TTC12: variants seen among roughly 807,000 people sequenced by gnomAD.
TTC12 encodes tetratricopeptide repeat domain 12, also known as tetratricopeptide repeat protein 12.
TTC12 carries 70 observed loss-of-function variants against 90.1 expected under a neutral mutation model. That is an observed-to-expected ratio of 0.78 (90% CI 0.64 to 0.95). TTC12 has a LOEUF of 0.95. Among genes scored for constraint, TTC12 ranks in the 40% least tolerant of loss-of-function variants. The probability of loss-of-function intolerance (pLI) is 0.00; values close to 1 mark genes in which losing one functional copy is unlikely to be tolerated. For missense variants in TTC12, 819 were observed against 846.1 expected, an observed-to-expected ratio of 0.97 and a Z score of 0.40; for synonymous variants, 296 against 311.5, an observed-to-expected ratio of 0.95 and a Z score of 0.53.
chr11:113,331,050 CAG>C (rs1172218538), intron 7 of TTC12, among the ~76,000 whole-genome samples: 3 of 152,136 alleles, frequency 2.0e-5, no homozygotes, highest in Non-Finnish European at 4.4e-5. Context: ...GCAAAGGAAA[CAG>C]AGATGAATGA....
intron 16 of TTC12, among the ~76,000 whole-genome samples, chr11:113,355,562 A>C (rs1949588047): frequency 1.3e-5 from 2 of 151,970 alleles, no homozygotes; most frequent in Admixed American, 1.3e-4. Context: ...TTAACATGAG[A>C]TATTTCTAAC....
At chr11:113,316,828 T>C (rs944123492) in intron 2 of TTC12, among the ~76,000 whole-genome samples, 1 of 152,252 alleles carries the variant, frequency 6.6e-6, no homozygotes, top group Non-Finnish European at 1.5e-5. Context: ...TTCAGGCAGG[T>C]TGGATCTCAA....
chr11:113,324,511 T>G (rs1947560311), intron 4 of TTC12, 94 bp from the exon 5 acceptor site: 3 of 947,146 alleles, frequency 3.2e-6, no homozygotes, highest in Admixed American at 2.1e-5. Context: ...TATGCATACG[T>G]GTGGCTCTAA....
intron 6 of TTC12, among the ~76,000 whole-genome samples, chr11:113,326,930 T>G (rs1425855039): frequency 1.3e-5 from 2 of 152,202 alleles, no homozygotes; most frequent in East Asian, 1.9e-4. Flanking sequence ...GGAGTTAAGT[T>G]TCTGTTGACA....
At chr11:113,339,851 T>A (rs1948587123) in intron 10 of TTC12, among the ~76,000 whole-genome samples, 2 of 151,936 alleles carry the variant, frequency 1.3e-5, no homozygotes, top group African/African-American at 4.8e-5. Context: ...CTCATGTCAG[T>A]CCACATATCC....
At chr11:113,318,849 G>A (rs975898476) in intron 2 of TTC12, among the ~76,000 whole-genome samples, 5 of 152,088 alleles carry the variant, frequency 3.3e-5, no homozygotes, top group African/African-American at 1.2e-4. Flanking sequence ...GGAGAGAAGA[G>A]TCCCATCTGA....
chr11:113,369,310 G>C (rs571354800), downstream of TTC12, among the ~76,000 whole-genome samples: 5 of 152,100 alleles, frequency 3.3e-5, no homozygotes, highest in South Asian at 6.2e-4. Flanking sequence ...TATGAAATAT[G>C]GTGTTTCACC....
intron 14 of TTC12, among the ~76,000 whole-genome samples, chr11:113,350,945 G>T (rs1555149945): frequency 6.6e-6 from 1 of 152,224 alleles, no homozygotes; most frequent in Non-Finnish European, 1.5e-5. Context: ...TCAGAGCAGG[G>T]GTTGGGGGTA....
chr11:113,362,694 T>G (rs1950002297), intron 19 of TTC12, among the ~76,000 whole-genome samples, 192 bp downstream of exon 19: 1 of 152,184 alleles, frequency 6.6e-6, no homozygotes, highest in African/African-American at 2.4e-5. Context: ...AACAACAGAT[T>G]GTTGAATAAA....
chr11:113,323,241 C>A, intron 2 of TTC12, 47 bp from the exon 3 acceptor site: 1 of 1,440,604 alleles, frequency 6.9e-7, no homozygotes, highest in Non-Finnish European at 9.2e-7. Context: ...TGAATAGAGT[C>A]TTTTGAATAT....
At chr11:113,322,075 C>T (rs6589371) in intron 2 of TTC12, among the ~76,000 whole-genome samples, 26,264 of 152,094 alleles carry the variant, frequency 0.17, 2,940 homozygotes, top group African/African-American at 0.31. Context: ...GAAAAGATAC[C>T]ATCAACTTAT....
At chr11:113,323,206 G>T in intron 2 of TTC12, 82 bp from the exon 3 acceptor site, 5 of 1,087,710 alleles carry the variant, frequency 4.6e-6, no homozygotes, top group Non-Finnish European at 6.1e-6. Flanking sequence ...TCTTTCCCAT[G>T]CATTTTATGC....
At chr11:113,364,485 C>A in intron 20 of TTC12, 1 of 312,018 alleles carries the variant, frequency 3.2e-6, no homozygotes, top group South Asian at 3.5e-5. Flanking sequence ...CACATTGCCT[C>A]CACCTGGGGG....
At chr11:113,344,023 C>T (rs1948814465) in intron 12 of TTC12, among the ~76,000 whole-genome samples, 1 of 152,164 alleles carries the variant, frequency 6.6e-6, no homozygotes, top group African/African-American at 2.4e-5. Context: ...CATGATGTCC[C>T]TGTAGGTAGG....
chr11:113,337,523 T>A (rs1350764186), intron 8 of TTC12, among the ~76,000 whole-genome samples: 8 of 152,084 alleles, frequency 5.3e-5, no homozygotes, highest in African/African-American at 1.9e-4. Flanking sequence ...ATAGCTAGAA[T>A]GCAGCCAGCA....
chr11:113,346,310 T>C (rs1948956370), intron 13 of TTC12, among the ~76,000 whole-genome samples: 2 of 152,176 alleles, frequency 1.3e-5, no homozygotes, highest in Non-Finnish European at 2.9e-5. Flanking sequence ...CACTCACTTA[T>C]GATGACACGG....
intron 8 of TTC12, among the ~76,000 whole-genome samples, chr11:113,337,827 G>A (rs1948456066): frequency 6.6e-6 from 1 of 152,062 alleles, no homozygotes; most frequent in Non-Finnish European, 1.5e-5. Context: ...CAGGTTGGTG[G>A]TGATGGAGGT....
rs1555145341 is a variant in TTC12, at chr11:113,339,480, C to A, written c.826+6C>A. On this transcript the variant is annotated splice_donor_region_variant and intron_variant, in intron 10 of 21. Transcript: ENST00000529221. Reference sequence around the variant, plus strand: ...GACTGAAATGATAAATGAGTGTAAGCCAGAGATGTGTGTGATCTCATGAGT... The same window carrying A: ...GACTGAAATGATAAATGAGTGTAAGACAGAGATGTGTGTGATCTCATGAGT... The A allele has an allele frequency of 6.2e-7, 1 of 1,607,344 alleles. No individual in the cohort carries two copies. Among genetic ancestry groups the A allele is most frequent in the Non-Finnish European group, 8.5e-7 (1 of 1,176,914 alleles).
intron 11 of TTC12, 137 bp downstream of exon 11, chr11:113,340,870 G>A (rs1036059668): frequency 2.3e-5 from 16 of 697,016 alleles, no homozygotes; most frequent in African/African-American, 1.8e-4. Context: ...GGGCTCTCCA[G>A]GAGTGCAAAG....
Sources: allele counts gnomAD v4.1 joint callset (sites outside exome capture counted in the v4.1 genomes callset), GRCh38; gene constraint gnomAD v4.1.1; transcripts MANE v1.5; gene names NCBI Gene and HGNC (gene_info 2026-07-23, HGNC 2026-07-21).